Variants in ARHGEF11 observed in about 807,000 individuals in gnomAD.
ARHGEF11 encodes the protein Rho guanine exchange factor (GEF) 11.
Under a neutral mutation model 193.7 loss-of-function variants are expected in ARHGEF11, and 55 were observed. That is an observed-to-expected ratio of 0.28 (90% CI 0.23 to 0.36). ARHGEF11 has a LOEUF of 0.36. Among genes scored for constraint, ARHGEF11 ranks in the 10% least tolerant of loss-of-function variants. The pLI is 1.00. For synonymous variants in ARHGEF11, 693 were observed against 768.0 expected (o/e 0.90, Z 1.62); for missense variants, 1,723 against 2,005.6 (o/e 0.86, Z 2.69).
intron 1 of ARHGEF11, among the ~76,000 whole-genome samples, chr1:157,038,689 C>T (rs1008343401): frequency 1.3e-5 from 2 of 152,094 alleles, no homozygotes; most frequent in Admixed American, 6.6e-5. Flanking sequence ...TGAAATCTGT[C>T]CAATTGTTTT....
chr1:156,982,249 G>C (rs1664292634), intron 3 of ARHGEF11, among the ~76,000 whole-genome samples: 1 of 151,736 alleles, frequency 6.6e-6, no homozygotes, highest in African/African-American at 2.4e-5. Context: ...GAAATTCTCA[G>C]ACTTCAGCAA....
intron 1 of ARHGEF11, among the ~76,000 whole-genome samples, chr1:157,005,995 T>A (rs1056751744): frequency 6.6e-6 from 1 of 152,248 alleles, no homozygotes; most frequent in Admixed American, 6.5e-5. Context: ...ATGAAAAACA[T>A]GTTTTTGCAT....
intron 1 of ARHGEF11, among the ~76,000 whole-genome samples, chr1:157,012,510 C>A (rs951123619): frequency 3.3e-5 from 5 of 152,080 alleles, no homozygotes; most frequent in African/African-American, 1.2e-4. Flanking sequence ...ATAACACAAA[C>A]AAAATGAACA....
intron 21 of ARHGEF11, among the ~76,000 whole-genome samples, chr1:156,954,413 A>T (rs1659625081): frequency 7.5e-6 from 1 of 133,172 alleles, no homozygotes; most frequent in South Asian, 2.5e-4. Context: ...AAAAAAAAAA[A>T]AAAAATCTGA....
chr1:156,957,053 G>A (rs1660055485), intron 18 of ARHGEF11, among the ~76,000 whole-genome samples: 1 of 152,138 alleles, frequency 6.6e-6, no homozygotes. Flanking sequence ...TCCCACCCCA[G>A]TACAGAGAAA....
chr1:156,949,093 T>G (rs1658677656), intron 22 of ARHGEF11: 1 of 985,318 alleles, frequency 1.0e-6, no homozygotes, highest in South Asian at 4.7e-5. Context: ...CCAGTTGTGA[T>G]GTGGATGAGT....
At chr1:156,978,062 A>C in intron 6 of ARHGEF11, 142 bp downstream of exon 6, 1 of 1,327,402 alleles carries the variant, frequency 7.5e-7, no homozygotes, top group Non-Finnish European at 1.0e-6. Flanking sequence ...ATTTTTGTTC[A>C]ACTCTTTCAA....
At chr1:156,987,257 T>G (rs1305799336) in intron 1 of ARHGEF11, among the ~76,000 whole-genome samples, 1 of 152,174 alleles carries the variant, frequency 6.6e-6, no homozygotes, top group Non-Finnish European at 1.5e-5. Flanking sequence ...GCACTGGAAA[T>G]AATCTAAATG....
chr1:157,032,503 C>T (rs1671427086), intron 1 of ARHGEF11, among the ~76,000 whole-genome samples: 1 of 152,212 alleles, frequency 6.6e-6, no homozygotes. Context: ...GTGGGGCCCA[C>T]AGACCTGTAT....
At chr1:156,973,749 T>C (rs1305183216) in intron 7 of ARHGEF11, among the ~76,000 whole-genome samples, 1 of 152,238 alleles carries the variant, frequency 6.6e-6, no homozygotes, top group Non-Finnish European at 1.5e-5. Context: ...TCTTTTATTC[T>C]TTCTTCTCCT....
chr1:157,005,535 T>C (rs1451470519), intron 1 of ARHGEF11, among the ~76,000 whole-genome samples: 2 of 152,208 alleles, frequency 1.3e-5, no homozygotes, highest in Non-Finnish European at 2.9e-5. Context: ...GAATTCTGGT[T>C]GACAGAGCAG....
intron 4 of ARHGEF11, among the ~76,000 whole-genome samples, chr1:156,980,231 G>C (rs531611273): frequency 6.6e-6 from 1 of 152,306 alleles, no homozygotes; most frequent in Admixed American, 6.5e-5. Context: ...AGTCAAGAAA[G>C]GCCTAAAATG....
chr1:156,945,318 G>T (rs1228341288), intron 29 of ARHGEF11, 121 bp from the exon 30 acceptor site: 3 of 1,130,192 alleles, frequency 2.7e-6, no homozygotes, highest in Non-Finnish European at 3.7e-6. Flanking sequence ...AGGCGTGGGT[G>T]GAGGGGAGCC....
At position 156,934,857 on chromosome 1, in the gene ARHGEF11, T is replaced by C. The variant is rs1332142750; in HGVS notation, c.*1143A>G. ...ACCACCACTGAAGGATATTTAACTT[T>C]TCTTAAAAAAAAAATCTTAACCATG... is the stretch of plus-strand genomic sequence containing the variant. On this transcript the variant is annotated 3_prime_UTR_variant, in exon 41 of 41. Coordinates refer to ENST00000368194, the MANE Select transcript of ARHGEF11 (RefSeq NM_198236.3). 6.6e-6 allele frequency: 1 copy of C among 151,104 alleles called. No homozygotes were observed. Among genetic ancestry groups the C allele is most frequent in the Non-Finnish European group, 1.5e-5 (1 of 67,856 alleles). 9.4% of individuals were successfully genotyped at this position (151,104 alleles called of 1,614,324 possible).
At chr1:157,027,169 T>C (rs988846083) in intron 1 of ARHGEF11, among the ~76,000 whole-genome samples, 1 of 152,130 alleles carries the variant, frequency 6.6e-6, no homozygotes, top group African/African-American at 2.4e-5. Flanking sequence ...CGCTTGAGCC[T>C]AGGATCACTT....
chr1:156,937,060 T>C (rs1655557717), intron 39 of ARHGEF11, 55 bp from the exon 40 acceptor site: 2 of 1,591,000 alleles, frequency 1.3e-6, no homozygotes, highest in Non-Finnish European at 1.7e-6. Flanking sequence ...CTAAGGCCCC[T>C]GGGGAAGGGG....
At chr1:156,939,264 C>G (rs1656235646) in intron 37 of ARHGEF11, 2 of 425,288 alleles carry the variant, frequency 4.7e-6, no homozygotes, top group Admixed American at 8.0e-5. Flanking sequence ...TTGTGCCAGG[C>G]AGAAAGAAAT....
intron 35 of ARHGEF11, among the ~76,000 whole-genome samples, 197 bp from the exon 36 acceptor site, chr1:156,940,622 G>A (rs1656631143): frequency 6.6e-6 from 1 of 152,190 alleles, no homozygotes; most frequent in Non-Finnish European, 1.5e-5. Context: ...CCCTGCCTAT[G>A]TTGAGCTTAC....
chr1:157,039,190 C>T (rs1043652983), intron 1 of ARHGEF11, among the ~76,000 whole-genome samples: 7 of 152,148 alleles, frequency 4.6e-5, no homozygotes, highest in African/African-American at 1.7e-4. Context: ...CACTGATTTT[C>T]AGGAAAGCCA....
Sources: allele counts gnomAD v4.1 joint callset (sites outside exome capture counted in the v4.1 genomes callset), GRCh38; gene constraint gnomAD v4.1.1; transcripts MANE v1.5; gene names NCBI Gene and HGNC (gene_info 2026-07-23, HGNC 2026-07-21).